The following LSAMP variants were observed in gnomAD, a reference collection of about 807,000 sequenced individuals.
The protein encoded by LSAMP is limbic system-associated membrane protein.
A neutral mutation model predicts 38.6 loss-of-function variants in LSAMP; 7 were observed. The ratio of observed to expected loss-of-function variants is 0.18; its 90% CI spans 0.10 to 0.34. LSAMP has a LOEUF of 0.34. Among genes scored for constraint, LSAMP ranks in the 10% least tolerant of loss-of-function variants. The pLI is 1.00. For missense variants in LSAMP, 313 were observed against 420.0 expected, an observed-to-expected ratio of 0.75 and a Z score of 2.23; for synonymous variants, 154 against 166.8, an observed-to-expected ratio of 0.92 and a Z score of 0.59.
intron 1 of LSAMP, among the ~76,000 whole-genome samples, chr3:116,417,491 G>T (rs760024357): frequency 6.6e-6 from 1 of 152,166 alleles, no homozygotes; most frequent in Non-Finnish European, 1.5e-5. Flanking sequence ...CACTTCAGGG[G>T]CTGTGTAATA....
At chr3:115,862,946 C>G (rs1935750554) in intron 3 of LSAMP, among the ~76,000 whole-genome samples, 1 of 152,212 alleles carries the variant, frequency 6.6e-6, no homozygotes, top group African/African-American at 2.4e-5. Context: ...CTTGCCTGTT[C>G]TTGAAAGCAG....
chr3:116,098,288 C>T (rs1280828253), intron 1 of LSAMP, among the ~76,000 whole-genome samples: 1 of 151,984 alleles, frequency 6.6e-6, no homozygotes, highest in African/African-American at 2.4e-5. Flanking sequence ...CACCTGAGAT[C>T]AGGAGTTCAA....
chr3:116,352,164 C>T (rs766375850), intron 1 of LSAMP, among the ~76,000 whole-genome samples: 11 of 152,186 alleles, frequency 7.2e-5, no homozygotes, highest in Middle Eastern at 3.4e-3. Flanking sequence ...ACTTCTCTGA[C>T]GTTTCCACCA....
chr3:116,045,687 G>A (rs1008639910), intron 2 of LSAMP, among the ~76,000 whole-genome samples: 1 of 152,056 alleles, frequency 6.6e-6, no homozygotes, highest in Non-Finnish European at 1.5e-5. Context: ...AGGTGTCTCT[G>A]AGAACAGAAT....
At chr3:116,022,351 A>T (rs188645850) in intron 2 of LSAMP, among the ~76,000 whole-genome samples, 7 of 151,590 alleles carry the variant, frequency 4.6e-5, no homozygotes, top group Admixed American at 4.6e-4. Flanking sequence ...TCTCTTTCCA[A>T]ATCTCTTGCG....
chr3:115,991,822 G>T (rs1939678434), intron 3 of LSAMP, among the ~76,000 whole-genome samples: 1 of 152,118 alleles, frequency 6.6e-6, no homozygotes, highest in Admixed American at 6.6e-5. Context: ...ACTGCAGGTT[G>T]CTAAATGTGC....
At position 116,086,264 on chromosome 3, in the gene LSAMP, A is replaced by T. The variant is rs1280291638; in HGVS notation, c.388+60T>A. On this transcript the variant is annotated intron_variant, in intron 2 of 6. Coordinates refer to ENST00000490035, the MANE Select transcript of LSAMP (RefSeq NM_002338.5). ...GAAGGATTCTGCAAATATTTTGTAC[A>T]TTATTATTCTGCAACTCCCACCTCT... is the stretch of plus-strand genomic sequence containing the variant. The T allele has an allele frequency of 7.1e-6, 9 of 1,266,894 alleles. No homozygotes were observed. In the East Asian group the frequency reaches 2.1e-4, roughly 30 times the overall value. The allele number at this position is 1,266,894 out of a possible 1,614,324, so 78.5% of individuals were successfully genotyped here.
chr3:115,966,269 G>A (rs1410875500), intron 3 of LSAMP, among the ~76,000 whole-genome samples: 1 of 152,174 alleles, frequency 6.6e-6, no homozygotes, highest in African/African-American at 2.4e-5. Context: ...GTTCATACAA[G>A]TTAACCTATA....
At chr3:115,951,345 T>C (rs780700071) in intron 3 of LSAMP, among the ~76,000 whole-genome samples, 3 of 152,008 alleles carry the variant, frequency 2.0e-5, no homozygotes, top group Non-Finnish European at 4.4e-5. Flanking sequence ...CAACCCACAG[T>C]ATGGGAGAAA....
At chr3:116,333,300 G>T (rs2047875084) in intron 1 of LSAMP, among the ~76,000 whole-genome samples, 1 of 152,040 alleles carries the variant, frequency 6.6e-6, no homozygotes, top group African/African-American at 2.4e-5. Context: ...CAGCACTTTG[G>T]GAGACTGAGG....
At chr3:116,356,209 G>A (rs2048221720) in intron 1 of LSAMP, among the ~76,000 whole-genome samples, 1 of 152,138 alleles carries the variant, frequency 6.6e-6, no homozygotes, top group East Asian at 1.9e-4. Context: ...AGTAGATAAA[G>A]AAGATGTACA....
chr3:115,812,940 A>G lies in LSAMP; in HGVS notation c.920-2526T>C, dbSNP rs540693253. ...ATTATTGAAAAATATGTTACAGAAT[A>G]TATGAACCTAGATAAACATGTTCAC... On this transcript the variant is annotated intron_variant, in intron 6 of 6. Transcript: ENST00000490035. Among the ~76,000 whole-genome samples the G allele has an allele frequency of 3.3e-5, 5 of 152,340 alleles. No individual in the cohort carries two copies. The East Asian group carries it at 7.7e-4, about 23-fold the overall frequency.
intron 3 of LSAMP, among the ~76,000 whole-genome samples, chr3:115,938,441 G>T (rs1937785255): frequency 6.6e-6 from 1 of 151,862 alleles, no homozygotes; most frequent in Non-Finnish European, 1.5e-5. Flanking sequence ...TCTTTAATGA[G>T]TATCACCTAA....
rs185696728 is a variant in LSAMP at position 115,942,859 on chromosome 3, T to C, written c.514+76656A>G. Among the ~76,000 whole-genome samples, 6 of 152,282 alleles carry C rather than the reference T, an allele frequency of 3.9e-5. No individual in the cohort carries two copies. In the East Asian group the frequency reaches 1.2e-3, roughly 29 times the overall value. ...TATGTCGACGGTGAAAACAGAATCA[T>C]GGAAGCATCCATGGCTTTAACAGAC... is the stretch of plus-strand genomic sequence containing the variant. On this transcript the variant is annotated intron_variant, in intron 3 of 6. Coordinates refer to ENST00000490035, the MANE Select transcript of LSAMP (RefSeq NM_002338.5).
intron 1 of LSAMP, among the ~76,000 whole-genome samples, chr3:116,273,141 A>T (rs1188390788): frequency 6.6e-6 from 1 of 152,090 alleles, no homozygotes; most frequent in East Asian, 1.9e-4. Flanking sequence ...ATCAAATGTG[A>T]GTTCATGTGT....
In LSAMP at chr3:116,072,877, T is replaced by C. The variant is rs528118327; in HGVS notation, c.388+13447A>G. Among the ~76,000 whole-genome samples, 4 of 152,030 alleles carry C rather than the reference T, an allele frequency of 2.6e-5. No individual in the cohort carries two copies. In the East Asian group the frequency reaches 7.8e-4, roughly 29 times the overall value. On this transcript the variant is annotated intron_variant, in intron 2 of 6. Transcript: ENST00000490035. ...GATTGTCTGTTTACTCTGATGATAG[T>C]TTCTTTTTCTGTGCAGAAGCACTTT...
chr3:116,128,410 G>A (rs929133873), intron 1 of LSAMP, among the ~76,000 whole-genome samples: 12 of 152,094 alleles, frequency 7.9e-5, no homozygotes, highest in African/African-American at 2.9e-4. Context: ...GTTCTTAGAA[G>A]TTGGTAGAAC....
intron 1 of LSAMP, among the ~76,000 whole-genome samples, chr3:116,378,336 T>C (rs2107798751): frequency 6.6e-6 from 1 of 152,144 alleles, no homozygotes; most frequent in African/African-American, 2.4e-5. Context: ...TTTTAGGTGA[T>C]TTTGCAACCC....
chr3:115,962,559 C>T (rs1938663905), intron 3 of LSAMP, among the ~76,000 whole-genome samples: 1 of 152,158 alleles, frequency 6.6e-6, no homozygotes, highest in South Asian at 2.1e-4. Context: ...GGGAATAAAA[C>T]TGTGTATGCT....
Sources: allele counts gnomAD v4.1 joint callset (sites outside exome capture counted in the v4.1 genomes callset), GRCh38; gene constraint gnomAD v4.1.1; transcripts MANE v1.5; gene names NCBI Gene and HGNC (gene_info 2026-07-23, HGNC 2026-07-21).